Variants in SLC12A7 observed in about 807,000 individuals in gnomAD.
SLC12A7 encodes solute carrier family 12 member 7.
Under a neutral mutation model 120.6 loss-of-function variants are expected in SLC12A7, and 100 were observed. The observed-to-expected ratio is 0.83, with a 90% CI of 0.71 to 0.98. SLC12A7 has a LOEUF of 0.98. Among genes scored for constraint, SLC12A7 ranks in the 50% least tolerant of loss-of-function variants. The pLI is 0.00. For missense variants in SLC12A7, 1,373 were observed against 1,548.1 expected, an observed-to-expected ratio of 0.89 and a Z score of 1.90; for synonymous variants, 760 against 678.0, an observed-to-expected ratio of 1.12 and a Z score of -1.88.
upstream of SLC12A7, among the ~76,000 whole-genome samples, chr5:1,116,582 A>G (rs1743330391): frequency 2.0e-5 from 3 of 152,200 alleles, no homozygotes; most frequent in South Asian, 2.1e-4. Flanking sequence ...TCTTCGCTCA[A>G]GTTCCCTCTG....
At chr5:1,084,776 C>A (rs936351618) in intron 7 of SLC12A7, among the ~76,000 whole-genome samples, 6 of 152,150 alleles carry the variant, frequency 3.9e-5, no homozygotes, top group African/African-American at 4.8e-5. Context: ...CTGCTCCCTG[C>A]GGGCTCTGGT....
the SLC12A7 span, among the ~76,000 whole-genome samples, chr5:1,128,149 C>T: frequency 1.3e-5 from 2 of 152,194 alleles, no homozygotes. Flanking sequence ...GTGGGCGTGG[C>T]TGGGAGGTGG....
rs1348255066 is a variant in SLC12A7 at position 1,057,769 on chromosome 5, T to A, written c.2848-120A>T. Reference sequence around the variant, plus strand: ...CAGAACCTGAAGGGCCCTGTGTGCCTGACCCGGGACCCAGCCTGGCGTCCC... The same window carrying A: ...CAGAACCTGAAGGGCCCTGTGTGCCAGACCCGGGACCCAGCCTGGCGTCCC... On this transcript the variant is annotated intron_variant, in intron 21 of 23. Transcript: ENST00000264930. 9.2e-6 allele frequency: 9 copies of A among 976,054 alleles called. No individual in the cohort carries two copies. The African/African-American group carries it at 1.5e-4, about 16-fold the overall frequency. The allele number at this position is 976,054 out of a possible 1,614,324, so 60.5% of individuals were successfully genotyped here. A position where few individuals can be genotyped will look rare whatever the true frequency, so the allele number is the denominator to read the frequency against.
the SLC12A7 span, among the ~76,000 whole-genome samples, chr5:1,118,653 A>G: frequency 5.1e-3 from 782 of 152,356 alleles, 4 homozygotes; most frequent in African/African-American, 0.017. Flanking sequence ...GAATGAGTCC[A>G]GGAGGAAGGA....
intron 9 of SLC12A7, 132 bp from the exon 10 acceptor site, chr5:1,079,628 C>A: frequency 1.4e-6 from 1 of 713,250 alleles, no homozygotes; most frequent in Non-Finnish European, 2.4e-6. Context: ...AGGCTGCAGT[C>A]CAAGCTCCGC....
intron 14 of SLC12A7, 23 bp from the exon 15 acceptor site, chr5:1,075,513 G>C (rs373562835): frequency 6.2e-6 from 10 of 1,602,510 alleles, no homozygotes; most frequent in Middle Eastern, 1.7e-4. Context: ...CAAGTGGCTC[G>C]GGGCGGCCCA....
upstream of SLC12A7, chr5:1,112,090 GCCGCC>G (rs908516392): frequency 1.6e-5 from 18 of 1,159,184 alleles, no homozygotes; most frequent in Admixed American, 1.4e-4. Flanking sequence ...GTCCGACCGA[GCCGCC>G]CCGCCCCGCC....
intron 1 of SLC12A7, among the ~76,000 whole-genome samples, chr5:1,109,848 G>A (rs1306540671): frequency 1.3e-5 from 2 of 152,230 alleles, no homozygotes; most frequent in Non-Finnish European, 2.9e-5. Flanking sequence ...TCCACAGACC[G>A]TTCAGGGGAA....
the SLC12A7 span, among the ~76,000 whole-genome samples, chr5:1,154,610 G>T: frequency 3.8e-4 from 58 of 152,302 alleles, 2 homozygotes; most frequent in Middle Eastern, 3.4e-3. Context: ...GCACAGAGAC[G>T]TGCTGAGGAG....
At chr5:1,151,450 G>A in the SLC12A7 span, among the ~76,000 whole-genome samples, 1 of 152,214 alleles carries the variant, frequency 6.6e-6, no homozygotes, top group Non-Finnish European at 1.5e-5. The surrounding 1 kb of genome is among the most constrained non-coding windows in gnomAD (Gnocchi z 6.2). Flanking sequence ...GCCTCCCAGA[G>A]TGTTCTGGGC....
At chr5:1,135,979 G>T in the SLC12A7 span, among the ~76,000 whole-genome samples, 6 of 152,176 alleles carry the variant, frequency 3.9e-5, no homozygotes, top group Non-Finnish European at 7.4e-5. Context: ...CGGGGTGCAG[G>T]GGTAAGCAGC....
At chr5:1,133,587 T>C in the SLC12A7 span, among the ~76,000 whole-genome samples, 1 of 152,198 alleles carries the variant, frequency 6.6e-6, no homozygotes, top group Admixed American at 6.5e-5. Flanking sequence ...CAAATACTGG[T>C]AGGCCGCTGT....
At chr5:1,116,914 C>T (rs1743347442), upstream of SLC12A7, among the ~76,000 whole-genome samples, 1 of 152,180 alleles carries the variant, frequency 6.6e-6, no homozygotes, top group Admixed American at 6.5e-5. Flanking sequence ...TCAAAACCTC[C>T]CAACCTGGCA....
the SLC12A7 span, among the ~76,000 whole-genome samples, chr5:1,126,176 G>C: frequency 2.0e-5 from 3 of 152,106 alleles, no homozygotes; most frequent in Non-Finnish European, 4.4e-5. Context: ...CACCTCCCAG[G>C]TTCAAGTGAT....
chr5:1,083,649 GC>G (rs1739469033), intron 8 of SLC12A7, 95 bp downstream of exon 8: 6 of 1,276,370 alleles, frequency 4.7e-6, no homozygotes, highest in South Asian at 3.7e-5. Flanking sequence ...AGGAATTGGG[GC>G]CCTGAGAGTG....
chr5:1,113,129 G>T (rs4580814), upstream of SLC12A7, among the ~76,000 whole-genome samples: 71,153 of 152,066 alleles, frequency 0.47, 18,322 homozygotes, highest in Non-Finnish European at 0.59. Flanking sequence ...TCCGTCAATG[G>T]GGAATTGGGC....
chr5:1,057,346 A>T, intron 22 of SLC12A7, 125 bp downstream of exon 22: 1 of 998,720 alleles, frequency 1.0e-6, no homozygotes, highest in Non-Finnish European at 1.4e-6. Flanking sequence ...CTGTTCTCTA[A>T]CGGGCCCACT....
intron 1 of SLC12A7, among the ~76,000 whole-genome samples, chr5:1,096,439 T>G (rs546321445): frequency 6.6e-6 from 1 of 152,058 alleles, no homozygotes; most frequent in African/African-American, 2.4e-5. Context: ...TAAGAAAATA[T>G]GTCTAAATGT....
At position 1,111,962 on chromosome 5, in the gene SLC12A7, C is replaced by T; in HGVS notation, c.30G>A (p.Val10=). The T allele has an allele frequency of 1.5e-6, 2 of 1,291,328 alleles. No homozygotes were observed. The highest frequency in any genetic ancestry group is 2.0e-6 in the Non-Finnish European group (2 of 1,019,726). 80.0% of individuals were successfully genotyped at this position (1,291,328 alleles called of 1,614,324 possible). A position where few individuals can be genotyped will look rare whatever the true frequency, so the allele number is the denominator to read the frequency against. The change falls in exon 1 of 24, where the codon GTG becomes GTA. Residue 10 remains valine, a synonymous_variant. Transcript: ENST00000264930. ...CCCCGCCGCCGTCGGCGTGAGCCTCCACGGGCACCACGGTGAAGTTGGTGG... is the reference window on the plus strand; with the variant it reads ...CCCCGCCGCCGTCGGCGTGAGCCTCTACGGGCACCACGGTGAAGTTGGTGG... MPTNFTVVP[V]EAHADGGGDE... is the part of the protein sequence containing the mutation.
Sources: gnomAD v4.1 joint callset for allele counts (sites outside exome capture counted in the v4.1 genomes callset) on GRCh38, gnomAD v4.1.1 for gene constraint, Gnocchi (gnomAD v3.1) non-coding constraint, MANE v1.5 for transcripts, NCBI Gene and HGNC (gene_info 2026-07-23, HGNC 2026-07-21) for gene names.